Variants in COMMD10 observed in about 807,000 individuals in gnomAD.
COMMD10 encodes the protein COMM domain-containing protein 10.
Under a neutral mutation model 28.9 loss-of-function variants are expected in COMMD10, and 33 were observed. The ratio of observed to expected loss-of-function variants is 1.14; its 90% CI spans 0.87 to 1.53. The LOEUF is 1.53. Ranked by LOEUF, COMMD10 falls within the 40% of genes most tolerant of loss-of-function variation. The pLI is 0.00. For synonymous variants in COMMD10, 110 were observed against 81.7 expected, an observed-to-expected ratio of 1.35 and a Z score of -1.87; for missense variants, 310 against 233.4, an observed-to-expected ratio of 1.33 and a Z score of -2.14.
intron 4 of COMMD10, among the ~76,000 whole-genome samples, chr5:116,101,208 T>C (rs979590895): frequency 1.3e-5 from 2 of 152,070 alleles, no homozygotes; most frequent in African/African-American, 4.8e-5. Flanking sequence ...TAAACAGGAG[T>C]GCAAGTACCT....
intron 5 of COMMD10, among the ~76,000 whole-genome samples, chr5:116,247,146 A>G (rs1339377117): frequency 6.6e-6 from 1 of 152,070 alleles, no homozygotes; most frequent in African/African-American, 2.4e-5. Flanking sequence ...CAACCTCATT[A>G]AAAACTGGGC....
chr5:116,148,883 G>T (rs1480059274), intron 5 of COMMD10, among the ~76,000 whole-genome samples: 1 of 151,138 alleles, frequency 6.6e-6, no homozygotes, highest in Non-Finnish European at 1.5e-5. Context: ...TAAGTTTTAG[G>T]GTACATGTGC....
intron 5 of COMMD10, among the ~76,000 whole-genome samples, chr5:116,249,206 G>A (rs1274784275): frequency 2.6e-5 from 4 of 151,884 alleles, no homozygotes; most frequent in Non-Finnish European, 5.9e-5. Flanking sequence ...TTGCAAAGAA[G>A]TATTTACTTT....
At chr5:116,208,126 C>CT (rs1469637797) in intron 5 of COMMD10, among the ~76,000 whole-genome samples, 2 of 152,002 alleles carry the variant, frequency 1.3e-5, no homozygotes, top group Non-Finnish European at 2.9e-5. Flanking sequence ...AAATATAACT[C>CT]TATCTTAAAT....
intron 4 of COMMD10, among the ~76,000 whole-genome samples, chr5:116,125,671 T>C (rs1264551988): frequency 1.3e-5 from 2 of 152,192 alleles, no homozygotes; most frequent in Non-Finnish European, 2.9e-5. Context: ...ATTCTCCCTG[T>C]CACTTTCAGG....
At chr5:116,204,274 C>A (rs1319086494) in intron 5 of COMMD10, among the ~76,000 whole-genome samples, 1 of 152,134 alleles carries the variant, frequency 6.6e-6, no homozygotes, top group African/African-American at 2.4e-5. Context: ...GACTTAGACT[C>A]CCACACAATA....
At chr5:116,207,930 C>T (rs1345133472) in intron 5 of COMMD10, among the ~76,000 whole-genome samples, 1 of 152,134 alleles carries the variant, frequency 6.6e-6, no homozygotes, top group Non-Finnish European at 1.5e-5. Context: ...TTGTGTTAAT[C>T]TCTGGGAATA....
chr5:116,208,655 G>A (rs1018548972), intron 5 of COMMD10, among the ~76,000 whole-genome samples: 1 of 151,696 alleles, frequency 6.6e-6, no homozygotes, highest in Non-Finnish European at 1.5e-5. Context: ...GTGAGCACAA[G>A]CTTCCTTTTT....
At chr5:116,206,235 T>C (rs947916634) in intron 5 of COMMD10, among the ~76,000 whole-genome samples, 1 of 152,210 alleles carries the variant, frequency 6.6e-6, no homozygotes, top group Non-Finnish European at 1.5e-5. Context: ...TGTTTAAACT[T>C]CCTACTCTAT....
chr5:116,192,785 C>T (rs1748403948), intron 5 of COMMD10, among the ~76,000 whole-genome samples: 2 of 152,250 alleles, frequency 1.3e-5, no homozygotes, highest in Middle Eastern at 6.8e-3. Flanking sequence ...TGCTAGGAAC[C>T]TAGACATCCA....
At chr5:116,255,394 T>G (rs1463637654) in intron 5 of COMMD10, among the ~76,000 whole-genome samples, 2 of 151,834 alleles carry the variant, frequency 1.3e-5, no homozygotes, top group East Asian at 3.9e-4. Context: ...TTCCTAGTCT[T>G]GATGGTCGTT....
At chr5:116,225,806 T>G (rs1749380212) in intron 5 of COMMD10, among the ~76,000 whole-genome samples, 1 of 150,636 alleles carries the variant, frequency 6.6e-6, no homozygotes, top group Non-Finnish European at 1.5e-5. Flanking sequence ...TTCTAAAATC[T>G]TGTTTTTTTT....
intron 5 of COMMD10, among the ~76,000 whole-genome samples, chr5:116,155,316 T>A (rs1163259159): frequency 6.6e-6 from 1 of 152,134 alleles, no homozygotes; most frequent in East Asian, 1.9e-4. Flanking sequence ...CTTGGGTTGT[T>A]TGTGCATTGT....
chr5:116,291,382 G>T (rs992052759), intron 5 of COMMD10, 135 bp from the exon 6 acceptor site: 7 of 630,620 alleles, frequency 1.1e-5, no homozygotes, highest in African/African-American at 9.6e-5. Flanking sequence ...TCATGGGGTT[G>T]AGTAGAGCAG....
chr5:116,165,564 C>T (rs769338560), intron 5 of COMMD10, among the ~76,000 whole-genome samples: 1 of 151,904 alleles, frequency 6.6e-6, no homozygotes, highest in Admixed American at 6.6e-5. Context: ...TGCCTGTCTG[C>T]CTTGTCTTCA....
chr5:116,267,935 T>G (rs897371845), intron 5 of COMMD10, among the ~76,000 whole-genome samples: 2 of 151,776 alleles, frequency 1.3e-5, no homozygotes, highest in African/African-American at 4.9e-5. Context: ...TTACACCTTA[T>G]ACAAAAATTA....
Position 116,208,338 on chromosome 5 carries a change from CA to C in COMMD10, c.510+74165del, listed in dbSNP as rs139155081. 3.6e-3 allele frequency among the ~76,000 whole-genome samples: 548 copies of C among 152,162 alleles called. 3 individuals carry two copies. Among genetic ancestry groups the C allele is most frequent in the African/African-American group, 0.013 (531 of 41,508 alleles). ...ATACCCTCTGTTCACCTCCCCCCAC[CA>C]AAAAGGCTCCTGTAAGTCCATCACT... On this transcript the variant is annotated intron_variant, in intron 5 of 6. Coordinates refer to ENST00000274458, the MANE Select transcript of COMMD10 (RefSeq NM_016144.4).
intron 4 of COMMD10, among the ~76,000 whole-genome samples, chr5:116,120,405 C>T (rs900949950): frequency 2.0e-5 from 3 of 152,198 alleles, no homozygotes; most frequent in African/African-American, 7.2e-5. Context: ...ACAGTGTACA[C>T]TGCTTCGGTG....
chr5:116,272,641 C>T (rs545760700), intron 5 of COMMD10, among the ~76,000 whole-genome samples: 33 of 151,946 alleles, frequency 2.2e-4, no homozygotes, highest in African/African-American at 7.0e-4. Flanking sequence ...TGCCATATTA[C>T]ATATCCTGTT....
Sources: allele counts gnomAD v4.1 joint callset (sites outside exome capture counted in the v4.1 genomes callset), GRCh38; gene constraint gnomAD v4.1.1; transcripts MANE v1.5; gene names NCBI Gene and HGNC (gene_info 2026-07-23, HGNC 2026-07-21).